Variants in GLIS3 observed in about 807,000 individuals in gnomAD.
The protein encoded by GLIS3 is zinc finger protein GLIS3.
Under a neutral mutation model 78.6 loss-of-function variants are expected in GLIS3, and 53 were observed. That is an observed-to-expected ratio of 0.67 (90% CI 0.54 to 0.85). The LOEUF (loss-of-function observed/expected upper bound fraction) is 0.85, where lower values mean the gene tolerates loss of function less well. Ranked by LOEUF, GLIS3 falls within the 40% of genes least tolerant of loss-of-function variation. The probability of loss-of-function intolerance (pLI) is 0.00; values close to 1 mark genes in which losing one functional copy is unlikely to be tolerated. For synonymous variants in GLIS3, 684 were observed against 509.9 expected (o/e 1.34, Z -4.60); for missense variants, 1,703 against 1,231.1 (o/e 1.38, Z -5.74).
Position 3,825,310 on chromosome 9 carries a change from C to G in GLIS3, c.*2962G>C, listed in dbSNP as rs1421144796. ...GGGTAATGGGAGATACCCCACAGGA[C>G]CTGTAAATATTTAAATAATATTTAA... On this transcript the variant is annotated 3_prime_UTR_variant, in exon 11 of 11. Transcript: ENST00000381971. The G allele has an allele frequency of 6.6e-6, 1 of 151,896 alleles. No homozygotes were observed. Among genetic ancestry groups the G allele is most frequent in the Non-Finnish European group, 1.5e-5 (1 of 67,986 alleles). The allele number at this position is 151,896 out of a possible 1,614,324, so 9.4% of individuals were successfully genotyped here.
At chr9:3,940,926 G>A (rs1815853147) in intron 4 of GLIS3, among the ~76,000 whole-genome samples, 1 of 152,126 alleles carries the variant, frequency 6.6e-6, no homozygotes, top group East Asian at 1.9e-4. Context: ...ACATACTGAC[G>A]CACCCCTGAG....
intron 2 of GLIS3, among the ~76,000 whole-genome samples, chr9:4,283,666 G>A (rs1827751515): frequency 6.6e-6 from 1 of 152,150 alleles, no homozygotes; most frequent in South Asian, 2.1e-4. Flanking sequence ...CAGAACAGTG[G>A]CTCACCCATA....
the GLIS3 span, among the ~76,000 whole-genome samples, chr9:4,455,286 T>G: frequency 8.5e-5 from 13 of 152,182 alleles, no homozygotes; most frequent in Non-Finnish European, 1.8e-4. Flanking sequence ...TCAGTTATTC[T>G]CAGTTCATTT....
chr9:3,838,807 C>T (rs1252388786), intron 9 of GLIS3, among the ~76,000 whole-genome samples: 34 of 152,216 alleles, frequency 2.2e-4, no homozygotes. Context: ...TTCATTTCTT[C>T]TCCAACACTC....
At chr9:4,423,156 G>C in the GLIS3 span, among the ~76,000 whole-genome samples, 1 of 152,008 alleles carries the variant, frequency 6.6e-6, no homozygotes, top group African/African-American at 2.4e-5. Flanking sequence ...TCCCAGCCCA[G>C]TTCATCACCA....
intron 4 of GLIS3, among the ~76,000 whole-genome samples, chr9:4,062,169 G>C (rs1321969173): frequency 6.6e-6 from 1 of 152,202 alleles, no homozygotes; most frequent in African/African-American, 2.4e-5. Flanking sequence ...ACGCAAAGGA[G>C]CTCAACAAAT....
At chr9:4,394,847 T>C in the GLIS3 span, among the ~76,000 whole-genome samples, 1 of 152,220 alleles carries the variant, frequency 6.6e-6, no homozygotes, top group African/African-American at 2.4e-5. Context: ...CTGCCAAATA[T>C]AGCCTTGTCT....
At chr9:4,470,252 T>G in the GLIS3 span, among the ~76,000 whole-genome samples, 3 of 152,216 alleles carry the variant, frequency 2.0e-5, no homozygotes, top group Non-Finnish European at 2.9e-5. Context: ...TAACTCATTT[T>G]ATGAGGCCAG....
the GLIS3 span, among the ~76,000 whole-genome samples, chr9:4,354,524 C>G: frequency 1.3e-4 from 20 of 152,316 alleles, no homozygotes; most frequent in African/African-American, 4.8e-4. Context: ...TAACTGCTTA[C>G]CCTCCAGAAT....
In GLIS3 at chr9:4,286,081, C is replaced by G; in HGVS notation, c.345G>C (p.Lys115Asn). ...GMSGSHTLKP[K>N]QQEFGSPFPP... is the part of the protein sequence containing the mutation. ...GAAAAGGGCTTCCAAACTCCTGCTG[C>G]TTTGGCTTTAAAGTATGTGACCCTG... Residue 115 changes from lysine to asparagine, a missense_variant, in exon 2 of 11, where the codon AAG (lysine) becomes AAC (asparagine). By Grantham distance (94) the Lys-to-Asn change is moderately conservative. Coordinates refer to ENST00000381971, the MANE Select transcript of GLIS3 (RefSeq NM_001042413.2). The G allele has an allele frequency of 6.2e-7, 1 of 1,613,590 alleles. No individual in the cohort carries two copies. Among genetic ancestry groups the G allele is most frequent in the Non-Finnish European group, 8.5e-7 (1 of 1,179,738 alleles).
intron 2 of GLIS3, among the ~76,000 whole-genome samples, chr9:4,192,969 C>A (rs764676834): frequency 6.6e-6 from 1 of 152,204 alleles, no homozygotes; most frequent in Non-Finnish European, 1.5e-5. Context: ...GAGTGCAGTG[C>A]AAGCTATGAA....
chr9:4,404,127 T>A, the GLIS3 span, among the ~76,000 whole-genome samples: 2 of 151,874 alleles, frequency 1.3e-5, no homozygotes, highest in East Asian at 3.9e-4. Flanking sequence ...AAGAGACAAA[T>A]AAGGTTATTA....
intron 7 of GLIS3, among the ~76,000 whole-genome samples, chr9:3,886,833 G>A (rs192028129): frequency 3.5e-4 from 54 of 152,294 alleles, no homozygotes; most frequent in African/African-American, 1.2e-3. Context: ...GGAAGGCTGC[G>A]TTTGGTATTG....
chr9:4,320,801 C>G (rs534342569), intron 2 of GLIS3, among the ~76,000 whole-genome samples: 1 of 152,282 alleles, frequency 6.6e-6, no homozygotes, highest in South Asian at 2.1e-4. Context: ...AAGCACCCAA[C>G]ATTGTATTAT....
At chr9:4,391,550 G>GGTGTGTGTGTGTGTGT in the GLIS3 span, among the ~76,000 whole-genome samples, 31 of 146,086 alleles carry the variant, frequency 2.1e-4, no homozygotes, top group African/African-American at 7.0e-4. Context: ...TTCTAAGAGG[G>GGTGTGTGTGTGTGTGT]GTGTGTGTGT....
chr9:4,201,622 A>C (rs1007377629), intron 2 of GLIS3, among the ~76,000 whole-genome samples: 2 of 152,182 alleles, frequency 1.3e-5, no homozygotes, highest in Non-Finnish European at 1.5e-5. Context: ...GAATAGAGCT[A>C]ACCAGGGAGC....
At chr9:4,213,997 T>TA (rs1183379037) in intron 2 of GLIS3, among the ~76,000 whole-genome samples, 3 of 151,272 alleles carry the variant, frequency 2.0e-5, no homozygotes, top group Admixed American at 6.6e-5. Flanking sequence ...GACAGGTTAT[T>TA]AAAAAAAATA....
chr9:3,980,967 T>C (rs950160901), intron 4 of GLIS3, among the ~76,000 whole-genome samples: 1 of 152,318 alleles, frequency 6.6e-6, no homozygotes, highest in South Asian at 2.1e-4. Flanking sequence ...CTGCTCAGCA[T>C]GCGTGCAAGC....
chr9:3,906,920 C>T (rs1823744123), intron 6 of GLIS3, among the ~76,000 whole-genome samples: 1 of 152,224 alleles, frequency 6.6e-6, no homozygotes, highest in Non-Finnish European at 1.5e-5. Flanking sequence ...ACTATTCATT[C>T]TTCCTGCCCG....
Sources: gnomAD v4.1 joint callset for allele counts (sites outside exome capture counted in the v4.1 genomes callset) on GRCh38, gnomAD v4.1.1 for gene constraint, MANE v1.5 for transcripts, NCBI Gene and HGNC (gene_info 2026-07-23, HGNC 2026-07-21) for gene names.